Variants in GPC5 observed in about 807,000 individuals in gnomAD.
GPC5 encodes the protein glypican-5.
In GPC5, 47 loss-of-function variants were observed where a neutral mutation model predicts 53.9. The ratio of observed to expected loss-of-function variants is 0.87; its 90% confidence interval spans 0.69 to 1.11. The LOEUF (loss-of-function observed/expected upper bound fraction) is 1.11. Among genes scored for constraint, GPC5 ranks in the 50% most tolerant of loss-of-function variants. The probability of loss-of-function intolerance (pLI) is 0.00; values close to 1 mark genes in which losing one functional copy is unlikely to be tolerated. For synonymous variants in GPC5, 286 were observed against 263.3 expected, an observed-to-expected ratio of 1.09 and a Z score of -0.84; for missense variants, 748 against 713.1, an observed-to-expected ratio of 1.05 and a Z score of -0.56.
intron 2 of GPC5, among the ~76,000 whole-genome samples, chr13:91,556,537 TA>T (rs1240457614): frequency 6.6e-6 from 1 of 150,554 alleles, no homozygotes; most frequent in Non-Finnish European, 1.5e-5. Context: ...TATATATATA[TA>T]AAATGTGTGT....
At chr13:92,190,863 A>C (rs962632932) in intron 7 of GPC5, among the ~76,000 whole-genome samples, 5 of 152,098 alleles carry the variant, frequency 3.3e-5, no homozygotes, top group Non-Finnish European at 7.4e-5. Flanking sequence ...TTTTACTCCA[A>C]CTGTATCAAT....
At chr13:92,766,060 C>A (rs981742975) in intron 7 of GPC5, among the ~76,000 whole-genome samples, 20 of 152,052 alleles carry the variant, frequency 1.3e-4, no homozygotes, top group African/African-American at 4.3e-4. Flanking sequence ...TCATTCTTAG[C>A]TCCTGGGCCA....
intron 7 of GPC5, among the ~76,000 whole-genome samples, chr13:92,451,868 A>G (rs1353306236): frequency 6.6e-6 from 1 of 152,192 alleles, no homozygotes; most frequent in Non-Finnish European, 1.5e-5. Flanking sequence ...GAAATTCAAG[A>G]GAAGTCTAAG....
intron 7 of GPC5, among the ~76,000 whole-genome samples, chr13:92,305,007 G>T (rs1017585659): frequency 6.6e-6 from 1 of 152,122 alleles, no homozygotes; most frequent in Non-Finnish European, 1.5e-5. Context: ...TATTGCCATA[G>T]ACCCATTAAA....
chr13:91,877,174 G>T (rs1220053617), intron 5 of GPC5, among the ~76,000 whole-genome samples: 1 of 152,222 alleles, frequency 6.6e-6, no homozygotes, highest in African/African-American at 2.4e-5. Context: ...ACCTCTGCCA[G>T]GGCAGTGTGG....
At chr13:92,122,554 C>A (rs1029966716) in intron 6 of GPC5, among the ~76,000 whole-genome samples, 3 of 151,756 alleles carry the variant, frequency 2.0e-5, no homozygotes, top group African/African-American at 7.3e-5. Flanking sequence ...CAGTGTTTCT[C>A]CAGCTTCTCA....
Position 92,644,282 on chromosome 13 carries a change from C to G in GPC5, c.1562-222000C>G, listed in dbSNP as rs562766195. On this transcript the variant is annotated intron_variant, in intron 7 of 7. Coordinates refer to ENST00000377067, the MANE Select transcript of GPC5 (RefSeq NM_004466.6). ...CTCAAGGTAAATACCTGTACCTTTG[C>G]TGCTAGCTTTAGAAACAAATATCTA... 2.6e-4 allele frequency among the ~76,000 whole-genome samples: 39 copies of G among 152,278 alleles called. No homozygotes were observed. In the South Asian group the frequency reaches 3.7e-3, roughly 15 times the overall value.
chr13:92,491,152 A>G (rs894878765), intron 7 of GPC5, among the ~76,000 whole-genome samples: 1 of 152,126 alleles, frequency 6.6e-6, no homozygotes, highest in Non-Finnish European at 1.5e-5. Context: ...ATGGTTTACT[A>G]TCAGATCCAT....
chr13:91,672,793 T>C (rs1387487224), intron 2 of GPC5, among the ~76,000 whole-genome samples: 2 of 152,230 alleles, frequency 1.3e-5, no homozygotes, highest in African/African-American at 4.8e-5. Flanking sequence ...GTATGTTTAT[T>C]GCAGCACTAT....
In GPC5 at chr13:91,495,784, A is replaced by G. The variant is rs556736967; in HGVS notation, c.325+46862A>G. Among the ~76,000 whole-genome samples the G allele has an allele frequency of 4.4e-3, 670 of 152,342 alleles. 4 individuals carry two copies. Among genetic ancestry groups the G allele is most frequent in the African/African-American group, 0.015 (637 of 41,586 alleles). ...ACGCCTGGAATCCCAGCACTTTGGG[A>G]GGCCGAGGCGGGTGGATCACCTGAG... On this transcript the variant is annotated intron_variant, in intron 2 of 7. Coordinates refer to ENST00000377067, the MANE Select transcript of GPC5 (RefSeq NM_004466.6).
intron 5 of GPC5, among the ~76,000 whole-genome samples, chr13:91,803,698 G>T (rs758111074): frequency 6.6e-6 from 1 of 151,676 alleles, no homozygotes. Context: ...TAAATTAATT[G>T]TTGAATTAAA....
chr13:91,762,183 G>T (rs1378110859), intron 5 of GPC5, among the ~76,000 whole-genome samples: 2 of 152,116 alleles, frequency 1.3e-5, no homozygotes, highest in Non-Finnish European at 2.9e-5. Flanking sequence ...CTGGTTGTGT[G>T]TGAGTTTTTA....
chr13:91,782,894 C>A (rs779467281), intron 5 of GPC5, among the ~76,000 whole-genome samples: 1 of 150,650 alleles, frequency 6.6e-6, no homozygotes, highest in Admixed American at 6.6e-5. Context: ...AAGCATCACA[C>A]AGATAAAATC....
At chr13:91,967,371 T>G (rs2139085380) in intron 6 of GPC5, among the ~76,000 whole-genome samples, 1 of 152,304 alleles carries the variant, frequency 6.6e-6, no homozygotes, top group South Asian at 2.1e-4. Flanking sequence ...CTTGATCATT[T>G]TTATACTTTA....
chr13:92,515,374 G>A (rs944978722), intron 7 of GPC5, among the ~76,000 whole-genome samples: 13 of 152,124 alleles, frequency 8.5e-5, no homozygotes, highest in Admixed American at 8.5e-4. Context: ...ACTGAAGATG[G>A]TGTGGACCTT....
At chr13:92,782,870 A>G (rs1264644653) in intron 7 of GPC5, among the ~76,000 whole-genome samples, 1 of 152,144 alleles carries the variant, frequency 6.6e-6, no homozygotes, top group Non-Finnish European at 1.5e-5. Flanking sequence ...GCTGTTTTAG[A>G]AATGAAGTCA....
intron 7 of GPC5, among the ~76,000 whole-genome samples, chr13:92,801,027 GAA>G (rs936476314): frequency 7.0e-6 from 1 of 143,066 alleles, no homozygotes; most frequent in African/African-American, 2.6e-5. Flanking sequence ...ACTAAAAAAA[GAA>G]AAAAAAAAGA....
intron 7 of GPC5, among the ~76,000 whole-genome samples, chr13:92,341,388 A>G (rs992928511): frequency 2.0e-5 from 3 of 152,100 alleles, no homozygotes; most frequent in African/African-American, 4.8e-5. Context: ...TAAGAGATAT[A>G]TGAGAGACAC....
intron 7 of GPC5, among the ~76,000 whole-genome samples, chr13:92,679,672 G>A (rs924263480): frequency 2.6e-5 from 4 of 152,152 alleles, no homozygotes; most frequent in African/African-American, 9.6e-5. Flanking sequence ...AGATGCTAGT[G>A]TATGTGTTTC....
Sources: gnomAD v4.1 joint callset for allele counts (sites outside exome capture counted in the v4.1 genomes callset) on GRCh38, gnomAD v4.1.1 for gene constraint, MANE v1.5 for transcripts, NCBI Gene and HGNC (gene_info 2026-07-23, HGNC 2026-07-21) for gene names.